EPB41L4B: variants seen among roughly 807,000 people sequenced by gnomAD.
EPB41L4B encodes erythrocyte membrane protein band 4.1 like 4B, also known as band 4.1-like protein 4B.
Under a neutral mutation model 112.5 loss-of-function variants are expected in EPB41L4B, and 30 were observed. The observed-to-expected ratio is 0.27, with a 90% confidence interval of 0.20 to 0.36. The LOEUF (loss-of-function observed/expected upper bound fraction) is 0.36, where lower values mean the gene tolerates loss of function less well. Among genes scored for constraint, EPB41L4B ranks in the 10% least tolerant of loss-of-function variants. EPB41L4B has a pLI of 1.00. For missense variants in EPB41L4B, 1,024 were observed against 1,133.3 expected (o/e 0.90, Z 1.38); for synonymous variants, 408 against 439.7 (o/e 0.93, Z 0.90).
rs755694840 is a variant in EPB41L4B at position 109,192,343 on chromosome 9, G to A, written c.2236C>T (p.Arg746Ter). The A allele has an allele frequency of 1.9e-6, 3 of 1,611,284 alleles. No individual in the cohort carries two copies. The highest frequency in any genetic ancestry group is 2.5e-6 in the Non-Finnish European group (3 of 1,178,658). ...LSPGAKSPSDRGGAFTLEPGD... is the reference protein window; with the variant it reads ...LSPGAKSPSD ...GGCTCCAGGGTAAAGGCACCTCCTC[G>A]GTCAGAGGGGCTCTAGGGAGACAGA... The change falls in exon 22 of 26, where the codon CGA (arginine) becomes TGA (stop). Residue 746 changes from arginine to a stop codon, truncating the protein, a stop_gained. Transcript: ENST00000374566. LOFTEE classifies it high-confidence loss of function.
chr9:109,223,147 G>A (rs1833648387), intron 15 of EPB41L4B, among the ~76,000 whole-genome samples: 1 of 152,172 alleles, frequency 6.6e-6, no homozygotes, highest in South Asian at 2.1e-4. Context: ...AGTCAAAATT[G>A]TTGCATGCTA....
intron 1 of EPB41L4B, among the ~76,000 whole-genome samples, chr9:109,289,012 C>T (rs1257470662): frequency 1.3e-5 from 2 of 152,134 alleles, no homozygotes; most frequent in African/African-American, 4.8e-5. Context: ...GACACCCACC[C>T]CCTAGTGGGT....
chr9:109,188,696 C>G (rs766391531), intron 22 of EPB41L4B, among the ~76,000 whole-genome samples: 1 of 152,182 alleles, frequency 6.6e-6, no homozygotes, highest in Non-Finnish European at 1.5e-5. Context: ...AACACCTAAC[C>G]CAGGGCCTGT....
intron 1 of EPB41L4B, among the ~76,000 whole-genome samples, chr9:109,305,752 G>A (rs553145570): frequency 2.0e-5 from 3 of 152,070 alleles, no homozygotes; most frequent in South Asian, 2.1e-4. Flanking sequence ...GTGAAACCCC[G>A]TCTTTACTAA....
intron 15 of EPB41L4B, among the ~76,000 whole-genome samples, chr9:109,228,033 T>C (rs1474342119): frequency 1.3e-5 from 2 of 152,248 alleles, no homozygotes; most frequent in Non-Finnish European, 2.9e-5. Flanking sequence ...TCCTTTCCAG[T>C]AGTTATTCCT....
Position 109,243,701 on chromosome 9 carries a change from A to G in EPB41L4B, c.1345-19T>C. On this transcript the variant is annotated intron_variant, in intron 14 of 25. Coordinates refer to ENST00000374566, the MANE Select transcript of EPB41L4B (RefSeq NM_019114.5). Reference sequence around the variant, plus strand: ...ATTGAGGCTAGAAATAAAACACCAAACTTGATTATTTGATGACCTTTTAAT... The same window carrying G: ...ATTGAGGCTAGAAATAAAACACCAAGCTTGATTATTTGATGACCTTTTAAT... The G allele has an allele frequency of 6.2e-7, 1 of 1,612,390 alleles. No individual in the cohort carries two copies. Among genetic ancestry groups the G allele is most frequent in the Non-Finnish European group, 8.5e-7 (1 of 1,178,468 alleles).
intron 17 of EPB41L4B, among the ~76,000 whole-genome samples, chr9:109,209,041 T>C (rs753081398): frequency 2.0e-5 from 3 of 152,146 alleles, no homozygotes; most frequent in Non-Finnish European, 4.4e-5. Context: ...ATGTGACATA[T>C]CAGCCACCAT....
chr9:109,259,687 G>C (rs1835128370), intron 6 of EPB41L4B, among the ~76,000 whole-genome samples: 1 of 152,194 alleles, frequency 6.6e-6, no homozygotes, highest in Non-Finnish European at 1.5e-5. Context: ...TGAAAAAGGA[G>C]CACAGGCATG....
At chr9:109,195,922 A>T (rs2118712102) in intron 20 of EPB41L4B, among the ~76,000 whole-genome samples, 1 of 152,260 alleles carries the variant, frequency 6.6e-6, no homozygotes, top group East Asian at 1.9e-4. Context: ...TTCCAATTTT[A>T]CCTGTTTCTA....
intron 15 of EPB41L4B, among the ~76,000 whole-genome samples, chr9:109,233,500 T>C (rs541956988): frequency 6.6e-6 from 1 of 152,008 alleles, no homozygotes; most frequent in Non-Finnish European, 1.5e-5. Context: ...AGTATCATGC[T>C]GACTGTTACC....
intron 15 of EPB41L4B, chr9:109,240,575 C>T (rs1467796854): frequency 1.0e-6 from 1 of 985,220 alleles, no homozygotes; most frequent in Non-Finnish European, 1.2e-6. Context: ...TGACTCAGGG[C>T]TTGAAATGGG....
At position 109,240,744 on chromosome 9, in the gene EPB41L4B, A is replaced by G. The variant is rs991955814; in HGVS notation, c.1409+2874T>C. Reference sequence around the variant, plus strand: ...TATGCTTTCATTTGAGCCATAAATGATCTTGATTGCACGTTGCTTTTTAAG... The same window carrying G: ...TATGCTTTCATTTGAGCCATAAATGGTCTTGATTGCACGTTGCTTTTTAAG... On this transcript the variant is annotated intron_variant, in intron 15 of 25. Coordinates refer to ENST00000374566, the MANE Select transcript of EPB41L4B (RefSeq NM_019114.5). 3.0e-6 allele frequency: 3 copies of G among 985,336 alleles called. No individual in the cohort carries two copies. The African/African-American group carries it at 5.2e-5, about 17-fold the overall frequency. The allele number at this position is 985,336 out of a possible 1,614,324, so 61.0% of individuals were successfully genotyped here.
intron 6 of EPB41L4B, among the ~76,000 whole-genome samples, chr9:109,259,499 G>T (rs896143770): frequency 6.6e-6 from 1 of 152,148 alleles, no homozygotes; most frequent in Non-Finnish European, 1.5e-5. Flanking sequence ...CACTCAATTT[G>T]CAATCTCTGC....
At chr9:109,318,743 T>C (rs955411739) in intron 1 of EPB41L4B, among the ~76,000 whole-genome samples, 2 of 152,108 alleles carry the variant, frequency 1.3e-5, no homozygotes, top group Non-Finnish European at 2.9e-5. Flanking sequence ...AGGCAACAGC[T>C]CTAAGCACCC....
intron 1 of EPB41L4B, among the ~76,000 whole-genome samples, chr9:109,314,037 G>A (rs369521488): frequency 1.1e-3 from 174 of 152,250 alleles, no homozygotes; most frequent in African/African-American, 1.8e-3. Flanking sequence ...GCACACACAC[G>A]AACCTGGAAA....
At chr9:109,293,543 C>T (rs1174584216) in intron 1 of EPB41L4B, among the ~76,000 whole-genome samples, 4 of 151,764 alleles carry the variant, frequency 2.6e-5, no homozygotes, top group Middle Eastern at 3.2e-3. Flanking sequence ...CCACCACGCT[C>T]GGCTAATTTT....
chr9:109,234,431 G>A (rs1347742489), intron 15 of EPB41L4B, among the ~76,000 whole-genome samples: 1 of 152,160 alleles, frequency 6.6e-6, no homozygotes, highest in Admixed American at 6.5e-5. Flanking sequence ...ATTTATACAT[G>A]GAGTAGCTCT....
intron 1 of EPB41L4B, among the ~76,000 whole-genome samples, chr9:109,304,317 G>C (rs1180938705): frequency 6.6e-6 from 1 of 152,116 alleles, no homozygotes; most frequent in Non-Finnish European, 1.5e-5. Context: ...TCCAATACTA[G>C]ATATACAATC....
At chr9:109,313,999 T>A (rs1837526789) in intron 1 of EPB41L4B, among the ~76,000 whole-genome samples, 1 of 152,218 alleles carries the variant, frequency 6.6e-6, no homozygotes, top group Admixed American at 6.5e-5. Context: ...CTTCGATGAA[T>A]GCATTGTAAA....
Sources: allele counts gnomAD v4.1 joint callset (sites outside exome capture counted in the v4.1 genomes callset), GRCh38; gene constraint gnomAD v4.1.1; transcripts MANE v1.5; gene names NCBI Gene and HGNC (gene_info 2026-07-23, HGNC 2026-07-21).